PRKG2: variants seen among roughly 807,000 people sequenced by gnomAD.
The protein encoded by PRKG2 is protein kinase cGMP-dependent 2.
In PRKG2, 33 loss-of-function variants were observed where a neutral mutation model predicts 97.2. That is an observed-to-expected ratio of 0.34 (90% CI 0.26 to 0.45). The LOEUF is 0.45. Ranked by LOEUF, PRKG2 falls within the 20% of genes least tolerant of loss-of-function variation. The pLI, the probability that PRKG2 is intolerant of heterozygous loss-of-function variation, is 1.00. For synonymous variants in PRKG2, 330 were observed against 321.8 expected (o/e 1.03, Z -0.27); for missense variants, 638 against 900.0 (o/e 0.71, Z 3.73).
intron 6 of PRKG2, among the ~76,000 whole-genome samples, chr4:81,159,617 C>T (rs1749430850): frequency 6.6e-6 from 1 of 151,960 alleles, no homozygotes; most frequent in Non-Finnish European, 1.5e-5. Flanking sequence ...GTGTATATAC[C>T]CAAAGGACTA....
chr4:81,148,807 G>A (rs1036718158), intron 9 of PRKG2, 77 bp downstream of exon 9: 15 of 1,223,444 alleles, frequency 1.2e-5, no homozygotes, highest in Non-Finnish European at 1.8e-5. Context: ...TGAGAAAACA[G>A]ATCGGCCTTG....
chr4:81,135,078 G>C (rs1008581459), intron 14 of PRKG2, 77 bp downstream of exon 14: 1 of 1,396,730 alleles, frequency 7.2e-7, no homozygotes, highest in Non-Finnish European at 9.7e-7. Flanking sequence ...AAATTAAAAA[G>C]AAAATTGCAA....
At chr4:81,135,339 T>A (rs1385648983) in intron 13 of PRKG2, 43 bp from the exon 14 acceptor site, 6 of 1,590,416 alleles carry the variant, frequency 3.8e-6, no homozygotes, top group Non-Finnish European at 5.1e-6. Flanking sequence ...TGGATACACA[T>A]CTTTGGTGCT....
chr4:81,092,339 C>A, intron 18 of PRKG2, 47 bp downstream of exon 18: 1 of 1,326,196 alleles, frequency 7.5e-7, no homozygotes, highest in Non-Finnish European at 1.0e-6. Context: ...TGTACAAAAA[C>A]AAATCCCTGG....
intron 4 of PRKG2, among the ~76,000 whole-genome samples, chr4:81,170,189 T>G (rs565806521): frequency 6.6e-6 from 1 of 152,214 alleles, no homozygotes; most frequent in East Asian, 1.9e-4. Flanking sequence ...ATGTGTGTGT[T>G]TTTATGTGTC....
intron 14 of PRKG2, among the ~76,000 whole-genome samples, chr4:81,113,952 G>A (rs910595547): frequency 3.3e-5 from 5 of 152,102 alleles, no homozygotes; most frequent in African/African-American, 1.2e-4. Flanking sequence ...CTAAGATATG[G>A]GATGAATGAG....
chr4:81,088,200 T>C lies in PRKG2; in HGVS notation c.*1508A>G, dbSNP rs1227881657. On this transcript the variant is annotated 3_prime_UTR_variant, in exon 19 of 19. Coordinates refer to ENST00000264399, the MANE Select transcript of PRKG2 (RefSeq NM_006259.3). ...ATTATAAATGTGGAAATCTAATTTG[T>C]TAAGGATGCACCTTTCTGGATTGGG... 1 of 152,160 alleles carries C rather than the reference T, an allele frequency of 6.6e-6. No individual in the cohort carries two copies. Among genetic ancestry groups the C allele is most frequent in the South Asian group, 2.1e-4 (1 of 4,836 alleles). The allele number at this position is 152,160 out of a possible 1,614,324, so 9.4% of individuals were successfully genotyped here.
chr4:81,164,503 T>G (rs926267681), intron 6 of PRKG2, among the ~76,000 whole-genome samples: 4 of 151,944 alleles, frequency 2.6e-5, no homozygotes, highest in African/African-American at 9.7e-5. Flanking sequence ...CAAGAAAGAC[T>G]AGACTTGAAA....
At chr4:81,139,992 T>C (rs969226124) in intron 12 of PRKG2, among the ~76,000 whole-genome samples, 5 of 152,136 alleles carry the variant, frequency 3.3e-5, no homozygotes, top group Non-Finnish European at 5.9e-5. Flanking sequence ...ATTCTGTCAT[T>C]TGTAACAACA....
rs1294505866 is a variant in PRKG2, at chr4:81,155,136, C to T, written c.913-1415G>A. Among the ~76,000 whole-genome samples the T allele has an allele frequency of 2.9e-5, 4 of 140,166 alleles. No individual in the cohort carries two copies. In the East Asian group the frequency reaches 8.8e-4, roughly 31 times the overall value. The allele number at this position is 140,166 out of a possible 152,430, so 92.0% of individuals were successfully genotyped here. A position where few individuals can be genotyped will look rare whatever the true frequency, so the allele number is the denominator to read the frequency against. ...GAGCTTGCAGTGAGCCGAGATCCCG[C>T]CACTGCACTCCAGCCTGGGCGACAG... On this transcript the variant is annotated intron_variant, in intron 6 of 18. Coordinates refer to ENST00000264399, the MANE Select transcript of PRKG2 (RefSeq NM_006259.3).
chr4:81,185,173 T>C (rs1751761323), intron 2 of PRKG2, among the ~76,000 whole-genome samples: 1 of 151,904 alleles, frequency 6.6e-6, no homozygotes, highest in African/African-American at 2.4e-5. Context: ...AGAAACATAA[T>C]CATCAGATTC....
At chr4:81,159,889 C>G (rs889309305) in intron 6 of PRKG2, among the ~76,000 whole-genome samples, 2 of 144,108 alleles carry the variant, frequency 1.4e-5, no homozygotes, top group African/African-American at 5.2e-5. Context: ...TATTCTCACT[C>G]ATAGATGGGA....
chr4:81,156,842 C>A (rs1305040842), intron 6 of PRKG2, among the ~76,000 whole-genome samples: 1 of 152,036 alleles, frequency 6.6e-6, no homozygotes, highest in African/African-American at 2.4e-5. Flanking sequence ...GGGTACATAA[C>A]GAAATGAAGG....
intron 6 of PRKG2, among the ~76,000 whole-genome samples, chr4:81,160,854 T>C (rs1749545459): frequency 6.6e-6 from 1 of 152,174 alleles, no homozygotes; most frequent in African/African-American, 2.4e-5. Context: ...AAAGAGCGAC[T>C]AAATATCTCA....
intron 2 of PRKG2, among the ~76,000 whole-genome samples, chr4:81,200,068 A>G (rs1255984800): frequency 1.3e-5 from 2 of 152,344 alleles, no homozygotes; most frequent in African/African-American, 4.8e-5. Flanking sequence ...CCAGACATTC[A>G]GCATGAGCTC....
intron 14 of PRKG2, among the ~76,000 whole-genome samples, chr4:81,119,230 G>A (rs1421166106): frequency 6.6e-6 from 1 of 152,120 alleles, no homozygotes; most frequent in East Asian, 1.9e-4. Context: ...TCTTCTAGGA[G>A]TTTTATTGTT....
At chr4:81,176,885 A>G (rs1750974429) in intron 2 of PRKG2, among the ~76,000 whole-genome samples, 1 of 151,978 alleles carries the variant, frequency 6.6e-6, no homozygotes, top group African/African-American at 2.4e-5. Context: ...TCTTTTGTCC[A>G]TAGAAAAAAA....
intron 10 of PRKG2, among the ~76,000 whole-genome samples, chr4:81,143,292 C>T (rs566055180): frequency 7.9e-5 from 12 of 151,976 alleles, no homozygotes; most frequent in Non-Finnish European, 1.6e-4. Flanking sequence ...ATATATACCT[C>T]AAAAAAGCTG....
chr4:81,146,616 T>G (rs540327413), intron 9 of PRKG2, among the ~76,000 whole-genome samples: 1 of 152,304 alleles, frequency 6.6e-6, no homozygotes, highest in Non-Finnish European at 1.5e-5. Context: ...CTATATTTCA[T>G]TGCAAGGATG....
Sources: allele counts gnomAD v4.1 joint callset (sites outside exome capture counted in the v4.1 genomes callset), GRCh38; gene constraint gnomAD v4.1.1; transcripts MANE v1.5; gene names NCBI Gene and HGNC (gene_info 2026-07-23, HGNC 2026-07-21).